NFATC2: variants seen among roughly 807,000 people sequenced by gnomAD.
The protein encoded by NFATC2 is nuclear factor of activated T cells 2.
Under a neutral mutation model 87.3 loss-of-function variants are expected in NFATC2, and 22 were observed. That is an observed-to-expected ratio of 0.25 (90% CI 0.18 to 0.36). The LOEUF is 0.36. NFATC2 is among the 10% of genes least tolerant of loss of function. NFATC2 has a pLI of 1.00. For missense variants in NFATC2, 1,149 were observed against 1,259.1 expected (o/e 0.91, Z 1.32); for synonymous variants, 565 against 542.2 (o/e 1.04, Z -0.58).
chr20:51,398,040 G>A (rs888837122), intron 10 of NFATC2, among the ~76,000 whole-genome samples: 1 of 151,546 alleles, frequency 6.6e-6, no homozygotes, highest in Non-Finnish European at 1.5e-5. Flanking sequence ...CTGGGTGAGG[G>A]GCTCAGCCGA....
chr20:51,550,342 G>A (rs1399802944), intron 1 of NFATC2, among the ~76,000 whole-genome samples: 1 of 152,144 alleles, frequency 6.6e-6, no homozygotes, highest in Non-Finnish European at 1.5e-5. Context: ...TGTAATCCCA[G>A]GACTTTGGGA....
At chr20:51,413,211 G>C (rs540916675) in intron 9 of NFATC2, among the ~76,000 whole-genome samples, 1 of 151,814 alleles carries the variant, frequency 6.6e-6, no homozygotes, top group Non-Finnish European at 1.5e-5. Context: ...GTCATGCCCC[G>C]GCCTGGCCTG....
intron 10 of NFATC2, among the ~76,000 whole-genome samples, chr20:51,395,365 TTCTTTTGGGGATCCCAGAATCCTCTG>T (rs1986910602): frequency 6.7e-6 from 1 of 149,226 alleles, no homozygotes; most frequent in Non-Finnish European, 1.5e-5. Context: ...TTGATCCTCT[TTCTTTTGGGGATCCCAGAATCCTCTG>T]TGTCATTTGC....
intron 5 of NFATC2, among the ~76,000 whole-genome samples, chr20:51,468,610 G>A (rs191736688): frequency 6.6e-6 from 1 of 152,364 alleles, no homozygotes; most frequent in African/African-American, 2.4e-5. Flanking sequence ...CACAGGACCA[G>A]GTGTGTGCCT....
intron 9 of NFATC2, among the ~76,000 whole-genome samples, chr20:51,407,928 G>T (rs79930071): frequency 0.014 from 2,168 of 152,334 alleles, 54 homozygotes; most frequent in African/African-American, 0.05. Flanking sequence ...ACTGTAGCAG[G>T]AAGCAGGTTT....
intron 3 of NFATC2, among the ~76,000 whole-genome samples, chr20:51,496,206 C>T (rs1185695685): frequency 6.6e-6 from 1 of 152,092 alleles, no homozygotes; most frequent in African/African-American, 2.4e-5. Context: ...TGCAGGAAGC[C>T]AGCCATTGTT....
At chr20:51,502,240 T>TA (rs1186249387) in intron 3 of NFATC2, among the ~76,000 whole-genome samples, 1 of 152,214 alleles carries the variant, frequency 6.6e-6, no homozygotes, top group Non-Finnish European at 1.5e-5. Flanking sequence ...AAACCACTCA[T>TA]AATCCCACTC....
intron 3 of NFATC2, among the ~76,000 whole-genome samples, chr20:51,506,413 T>A (rs1019111789): frequency 3.3e-5 from 5 of 152,174 alleles, no homozygotes; most frequent in Non-Finnish European, 5.9e-5. Context: ...TCAGAATGAA[T>A]GACTTTGACA....
At position 51,542,640 on chromosome 20, in the gene NFATC2, C is replaced by G; in HGVS notation, c.-141G>C. On this transcript the variant is annotated 5_prime_UTR_variant, in exon 1 of 11. Transcript: ENST00000371564. ...TAGGGACGCACGCCGGGTCCGGGGA[C>G]GGCGCGCCTGGCGCAGCGGGTCCTG... is the stretch of plus-strand genomic sequence containing the variant. 9 of 1,180,564 alleles carry G rather than the reference C, an allele frequency of 7.6e-6. No individual in the cohort carries two copies. Among genetic ancestry groups the G allele is most frequent in the Non-Finnish European group, 9.4e-6 (9 of 953,612 alleles). The allele number at this position is 1,180,564 out of a possible 1,614,324, so 73.1% of individuals were successfully genotyped here.
At position 51,424,931 on chromosome 20, in the gene NFATC2, AG is replaced by A. The variant is rs548971768; in HGVS notation, c.2722+7135del. Among the ~76,000 whole-genome samples, 41 of 151,024 alleles carry A rather than the reference AG, an allele frequency of 2.7e-4. No homozygotes were observed. In the East Asian group the frequency reaches 7.4e-3, roughly 27 times the overall value. ...GGGGTAAAAATTGGTTCTCTGCGGG[AG>A]GGGTGTTGAAAAAAATCTTCCATAT... On this transcript the variant is annotated intron_variant, in intron 9 of 10. Coordinates refer to ENST00000371564, the MANE Select transcript of NFATC2 (RefSeq NM_012340.5).
rs578241208 is a variant in NFATC2, at chr20:51,550,929, T to G, written c.70+11631A>C. On this transcript the variant is annotated intron_variant, in intron 1 of 10. Coordinates refer to the NFATC2 transcript ENST00000414705. ...AGTCAGAGACCATCTGTATAACACATAAGTCACACATTTTCATCATGAACT... is the reference window on the plus strand; with the variant it reads ...AGTCAGAGACCATCTGTATAACACAGAAGTCACACATTTTCATCATGAACT... Among the ~76,000 whole-genome samples the G allele has an allele frequency of 5.3e-5, 8 of 152,288 alleles. No individual in the cohort carries two copies. The East Asian group carries it at 1.4e-3, about 26-fold the overall frequency.
intron 3 of NFATC2, among the ~76,000 whole-genome samples, chr20:51,507,057 G>T (rs532194430): frequency 6.6e-6 from 1 of 152,218 alleles, no homozygotes; most frequent in Non-Finnish European, 1.5e-5. Context: ...CTCCACAGGC[G>T]TCTGGGCTCA....
intron 1 of NFATC2, among the ~76,000 whole-genome samples, chr20:51,559,019 T>C (rs1246119174): frequency 2.6e-5 from 4 of 152,142 alleles, no homozygotes; most frequent in African/African-American, 9.7e-5. Context: ...CATGGGAGTG[T>C]CTGGTGAAAG....
chr20:51,397,351 AGG>A (rs1987320125), intron 10 of NFATC2, among the ~76,000 whole-genome samples: 1 of 152,086 alleles, frequency 6.6e-6, no homozygotes, highest in African/African-American at 2.4e-5. Context: ...AACCCTCAAT[AGG>A]ACCCTCAATA....
At chr20:51,504,090 T>C (rs572900818) in intron 3 of NFATC2, among the ~76,000 whole-genome samples, 5 of 152,224 alleles carry the variant, frequency 3.3e-5, no homozygotes, top group African/African-American at 1.2e-4. Flanking sequence ...TGGCGCAATA[T>C]TGGCTCACTG....
intron 4 of NFATC2, among the ~76,000 whole-genome samples, chr20:51,475,033 A>T (rs971971419): frequency 1.2e-4 from 18 of 145,886 alleles, no homozygotes; most frequent in Non-Finnish European, 2.1e-4. Context: ...CAGTAGTGTG[A>T]TCTCGGCTCA....
At chr20:51,492,851 G>A (rs2075919262) in intron 3 of NFATC2, among the ~76,000 whole-genome samples, 1 of 152,264 alleles carries the variant, frequency 6.6e-6, no homozygotes, top group Non-Finnish European at 1.5e-5. Flanking sequence ...GGCCGGGGCT[G>A]GGCCTGTCAA....
At position 51,542,605 on chromosome 20, in the gene NFATC2, C is replaced by T; in HGVS notation, c.-106G>A. 8.1e-7 allele frequency: 1 copy of T among 1,231,678 alleles called. No homozygotes were observed. Among genetic ancestry groups the T allele is most frequent in the Non-Finnish European group, 1.0e-6 (1 of 982,754 alleles). 76.3% of individuals were successfully genotyped at this position (1,231,678 alleles called of 1,614,324 possible). On this transcript the variant is annotated 5_prime_UTR_variant, in exon 1 of 11. Transcript: ENST00000371564. ...CGGAGGCGGCTCGAGCGGCGGGGTCCCTTTCCTCGTAGGGACGCACGCCGG... is the reference window on the plus strand; with the variant it reads ...CGGAGGCGGCTCGAGCGGCGGGGTCTCTTTCCTCGTAGGGACGCACGCCGG...
At chr20:51,496,820 G>A (rs2075996444) in intron 3 of NFATC2, among the ~76,000 whole-genome samples, 1 of 152,132 alleles carries the variant, frequency 6.6e-6, no homozygotes, top group South Asian at 2.1e-4. Context: ...TTTCCCGTCT[G>A]TTTCTCCCAG....
Sources: allele counts gnomAD v4.1 joint callset (sites outside exome capture counted in the v4.1 genomes callset), GRCh38; gene constraint gnomAD v4.1.1; transcripts MANE v1.5; gene names NCBI Gene and HGNC (gene_info 2026-07-23, HGNC 2026-07-21).